Variants in HFM1 observed in about 807,000 individuals in gnomAD.
The protein encoded by HFM1 is helicase for meiosis 1, also known as probable ATP-dependent DNA helicase HFM1.
Under a neutral mutation model 192.1 loss-of-function variants are expected in HFM1, and 169 were observed. The observed-to-expected ratio is 0.88, with a 90% confidence interval of 0.78 to 1.00. The LOEUF (loss-of-function observed/expected upper bound fraction) is 1.00, where lower values mean the gene tolerates loss of function less well. Among genes scored for constraint, HFM1 ranks in the 50% least tolerant of loss-of-function variants. The pLI, the probability that HFM1 is intolerant of heterozygous loss-of-function variation, is 0.00. For missense variants in HFM1, 1,661 were observed against 1,668.0 expected, an observed-to-expected ratio of 1.00 and a Z score of 0.07; for synonymous variants, 525 against 537.8, an observed-to-expected ratio of 0.98 and a Z score of 0.33.
Position 91,262,491 on chromosome 1 carries a change from T to C in HFM1, c.4076A>G (p.Asn1359Ser). 1 of 1,597,198 alleles carries C rather than the reference T, an allele frequency of 6.3e-7. No individual in the cohort carries two copies. Reference protein sequence around the residue: ...SMTKLPQQAGNAVIVHFQERK... With the variant: ...SMTKLPQQAGSAVIVHFQERK... ...AGTGCTTCTTCTTACAATAACTGCA[T>C]TTCCGGCTTGTTGAGGTAATTTTGT... Residue 1359 changes from asparagine to serine, a missense_variant, in exon 37 of 39, where the codon AAT becomes AGT. By Grantham distance (46) the Asn-to-Ser change is conservative. Transcript: ENST00000370425.
intron 25 of HFM1, among the ~76,000 whole-genome samples, chr1:91,317,808 T>C (rs1487625530): frequency 6.6e-6 from 1 of 152,236 alleles, no homozygotes; most frequent in East Asian, 1.9e-4. Flanking sequence ...TTTGTATGCA[T>C]TATTTTTTTC....
At chr1:91,320,025 C>T (rs1651850652) in intron 23 of HFM1, among the ~76,000 whole-genome samples, 1 of 152,114 alleles carries the variant, frequency 6.6e-6, no homozygotes, top group Admixed American at 6.6e-5. Flanking sequence ...CTAGTATATC[C>T]CGGGTTCTTT....
intron 20 of HFM1, chr1:91,328,463 G>C: frequency 1.9e-6 from 3 of 1,613,328 alleles, no homozygotes; most frequent in Non-Finnish European, 8.5e-7. Context: ...AGCTACTTTG[G>C]CCGTAAGGTG....
rs554177080 is a variant in HFM1 at position 91,288,019 on chromosome 1, G to C, written c.3392-10957C>G. 4.5e-3 allele frequency among the ~76,000 whole-genome samples: 677 copies of C among 152,044 alleles called. 2 individuals are homozygous for C. The highest frequency in any genetic ancestry group is 7.5e-3 in the Non-Finnish European group (513 of 67,982). On this transcript the variant is annotated intron_variant, in intron 30 of 38. Coordinates refer to ENST00000370425, the MANE Select transcript of HFM1 (RefSeq NM_001017975.6). ...CAAGAAATATGGGACTATGTGAAAA[G>C]ACCAAATCTACGTCTGATTGGTGTA...
chr1:91,300,877 G>C (rs1170841784), intron 30 of HFM1, among the ~76,000 whole-genome samples: 1 of 152,258 alleles, frequency 6.6e-6, no homozygotes, highest in Admixed American at 6.5e-5. Flanking sequence ...ACTGGCACAA[G>C]ACAAGGATGC....
chr1:91,277,473 C>T (rs1382374557), intron 30 of HFM1, among the ~76,000 whole-genome samples: 1 of 146,090 alleles, frequency 6.8e-6, no homozygotes, highest in African/African-American at 2.5e-5. Flanking sequence ...CTTCTCTCAA[C>T]CTCCCTGGTG....
chr1:91,328,736 G>T, intron 20 of HFM1: 1 of 1,609,302 alleles, frequency 6.2e-7, no homozygotes, highest in Non-Finnish European at 8.5e-7. Flanking sequence ...GGCTGCTGGG[G>T]CCGAGCAGGT....
At chr1:91,336,738 C>T (rs1235123164) in intron 20 of HFM1, among the ~76,000 whole-genome samples, 1 of 152,148 alleles carries the variant, frequency 6.6e-6, no homozygotes. Flanking sequence ...TGGGTATATA[C>T]CCAAAGGAAT....
rs533167851 is a variant in HFM1 at position 91,343,384 on chromosome 1, C to T, written c.2335+46G>A. ...TAGTAAAACAAAATTTTAATTTAGT[C>T]TTAAGTAAACAATTGCTAAATTTAC... On this transcript the variant is annotated intron_variant, in intron 20 of 38. Transcript: ENST00000370425. 4.3e-6 allele frequency: 4 copies of T among 920,238 alleles called. No homozygotes were observed. The African/African-American group carries it at 5.1e-5, about 12-fold the overall frequency. The allele number at this position is 920,238 out of a possible 1,614,324, so 57.0% of individuals were successfully genotyped here.
intron 13 of HFM1, among the ~76,000 whole-genome samples, chr1:91,369,884 C>T (rs547781951): frequency 9.9e-5 from 15 of 151,986 alleles, no homozygotes; most frequent in African/African-American, 1.9e-4. Context: ...ATCAAATAGA[C>T]GCAATAAAAA....
chr1:91,394,334 A>T lies in HFM1; in HGVS notation c.253T>A (p.Ser85Thr), dbSNP rs1162983887. 1.3e-6 allele frequency: 2 copies of T among 1,581,930 alleles called. No individual in the cohort carries two copies. The highest frequency in any genetic ancestry group is 3.4e-5 in the Admixed American group (2 of 59,640). The change falls in exon 4 of 39, where the codon TCA (serine) becomes ACA (threonine). Residue 85 changes from serine (S) to threonine (T), a missense_variant. By Grantham distance (58) the Ser-to-Thr change is moderately conservative. Transcript: ENST00000370425. ...KITNEDTNYI[S>T]LTQKFQFAFP... ...GCAAACTGGAATTTTTGTGTTAGTG[A>T]AATATAATTTGTATCTTCATTAGTT...
chr1:91,340,202 G>T (rs1036003656), intron 20 of HFM1, among the ~76,000 whole-genome samples: 1 of 152,098 alleles, frequency 6.6e-6, no homozygotes, highest in Non-Finnish European at 1.5e-5. Flanking sequence ...TAGAGACAAG[G>T]TGTCACTATA....
intron 7 of HFM1, 150 bp from the exon 8 acceptor site, chr1:91,380,386 G>C (rs1013641084): frequency 1.4e-5 from 7 of 500,288 alleles, no homozygotes; most frequent in Admixed American, 3.9e-5. Context: ...CTTTGCTCCA[G>C]AGCCTCCACT....
At chr1:91,388,354 C>T (rs1244016465) in intron 4 of HFM1, among the ~76,000 whole-genome samples, 10 of 152,114 alleles carry the variant, frequency 6.6e-5, no homozygotes, top group Admixed American at 6.6e-5. Flanking sequence ...TGGGGTCTGA[C>T]GCTAATTCCA....
chr1:91,389,119 GTTTTTTTGTTGGGTTT>G (rs1662599879), intron 4 of HFM1, among the ~76,000 whole-genome samples: 1 of 144,050 alleles, frequency 6.9e-6, no homozygotes, highest in Non-Finnish European at 1.5e-5. Context: ...TCCCCAGTGG[GTTTTTTTGTTGGGTTT>G]TTTTTTTTTT....
chr1:91,378,059 A>G lies in HFM1; in HGVS notation c.1361T>C (p.Val454Ala). Residue 454 changes from valine (V) to alanine (A), a missense_variant, in exon 11 of 39, where the codon GTA (valine) becomes GCA (alanine). By Grantham distance (64) the Val-to-Ala change is moderately conservative. Coordinates refer to ENST00000370425, the MANE Select transcript of HFM1 (RefSeq NM_001017975.6). ...ATTTGGAATTGTTGCAGATACAGCT[A>G]CAAATCGCATTGGAATAGCAGTGCT... The part of the protein sequence containing the change: ...NTSTAIPMRF[V>A]AVSATIPNAE... 6.2e-7 allele frequency: 1 copy of G among 1,612,444 alleles called. No individual in the cohort carries two copies. The highest frequency in any genetic ancestry group is 1.1e-5 in the South Asian group (1 of 90,942).
Position 91,262,227 on chromosome 1 carries a change from TA to T in HFM1, c.4238+13del. 1 of 1,225,400 alleles carries T rather than the reference TA, an allele frequency of 8.2e-7. No individual in the cohort carries two copies. The highest frequency in any genetic ancestry group is 1.1e-6 in the Non-Finnish European group (1 of 871,338). 75.9% of individuals were successfully genotyped at this position (1,225,400 alleles called of 1,614,324 possible). A position where few individuals can be genotyped will look rare whatever the true frequency, so the allele number is the denominator to read the frequency against. Reference sequence around the variant, plus strand: ...TATTGATATAATCTTAAAGTGTCTTTAAAGAGTTCTTACCTGAAATCAACTT... The same window carrying T: ...TATTGATATAATCTTAAAGTGTCTTTAAGAGTTCTTACCTGAAATCAACTT... On this transcript the variant is annotated intron_variant, in intron 38 of 38. Coordinates refer to ENST00000370425, the MANE Select transcript of HFM1 (RefSeq NM_001017975.6).
chr1:91,339,612 A>G (rs755582610), intron 20 of HFM1, among the ~76,000 whole-genome samples: 28 of 152,192 alleles, frequency 1.8e-4, no homozygotes, highest in Non-Finnish European at 3.7e-4. Context: ...AAGAATAAAA[A>G]AGAATGAACA....
At chr1:91,292,003 A>G (rs866816249) in intron 30 of HFM1, among the ~76,000 whole-genome samples, 1 of 152,056 alleles carries the variant, frequency 6.6e-6, no homozygotes, top group African/African-American at 2.4e-5. Context: ...ATTCAACAAC[A>G]CTTCATGCTA....
Sources: allele counts gnomAD v4.1 joint callset (sites outside exome capture counted in the v4.1 genomes callset), GRCh38; gene constraint gnomAD v4.1.1; transcripts MANE v1.5; gene names NCBI Gene and HGNC (gene_info 2026-07-23, HGNC 2026-07-21).